PAK1: variants seen among roughly 807,000 people sequenced by gnomAD.
The protein encoded by PAK1 is p21 (RAC1) activated kinase 1.
Under a neutral mutation model 67.4 loss-of-function variants are expected in PAK1, and 29 were observed. That is an observed-to-expected ratio of 0.43 (90% confidence interval 0.32 to 0.59). The LOEUF is 0.59. Ranked by LOEUF, PAK1 falls within the 20% of genes least tolerant of loss-of-function variation. The pLI is 0.07. For synonymous variants in PAK1, 223 were observed against 237.4 expected (o/e 0.94, Z 0.56); for missense variants, 337 against 670.7 (o/e 0.50, Z 5.50).
At chr11:77,460,341 T>A (rs1439673557) in intron 1 of PAK1, among the ~76,000 whole-genome samples, 10 of 129,826 alleles carry the variant, frequency 7.7e-5, no homozygotes, top group East Asian at 2.1e-4. Context: ...TTTTTTTTTT[T>A]AAAGTTAAGT....
chr11:77,457,932 C>T (rs141376696), intron 1 of PAK1, among the ~76,000 whole-genome samples: 3 of 152,304 alleles, frequency 2.0e-5, no homozygotes, highest in African/African-American at 4.8e-5. Context: ...CAAGTCCCTT[C>T]AATTATTATT....
At chr11:77,421,184 G>A (rs758742186) in intron 1 of PAK1, among the ~76,000 whole-genome samples, 2 of 151,876 alleles carry the variant, frequency 1.3e-5, no homozygotes, top group African/African-American at 2.4e-5. Flanking sequence ...CCTTATCTCC[G>A]ACTTTTCCCC....
intron 2 of PAK1, among the ~76,000 whole-genome samples, chr11:77,381,268 C>T (rs1488802690): frequency 6.6e-6 from 1 of 152,022 alleles, no homozygotes; most frequent in African/African-American, 2.4e-5. Context: ...GTCCCTCAAG[C>T]ACCTACATTC....
At chr11:77,510,529 C>T in the PAK1 span, among the ~76,000 whole-genome samples, 1 of 152,166 alleles carries the variant, frequency 6.6e-6, no homozygotes, top group Non-Finnish European at 1.5e-5. Flanking sequence ...GTGTACACCG[C>T]ACCTGGCCAG....
At position 77,407,291 on chromosome 11, in the gene PAK1, C is replaced by T. The variant is rs115490633; in HGVS notation, c.-21-14750G>A. Among the ~76,000 whole-genome samples the T allele has an allele frequency of 2.0e-3, 311 of 152,306 alleles. 3 individuals carry two copies. Among genetic ancestry groups the T allele is most frequent in the African/African-American group, 7.1e-3 (297 of 41,572 alleles). On this transcript the variant is annotated intron_variant, in intron 1 of 14. Coordinates refer to ENST00000356341, the MANE Select transcript of PAK1 (RefSeq NM_002576.5). ...TATCTGTTCGACCTTAAATAAAGCA[C>T]ATACTTCGTGGTTTTTGTTTGACCA...
At chr11:77,447,607 C>T (rs1043816521) in intron 1 of PAK1, among the ~76,000 whole-genome samples, 1 of 152,092 alleles carries the variant, frequency 6.6e-6, no homozygotes, top group Admixed American at 6.5e-5. Flanking sequence ...TCACTGCAAC[C>T]TCCACCTCCC....
At chr11:77,352,302 TGAGACAGTATCTGCTTTTTC>T (rs1227266494) in intron 8 of PAK1, among the ~76,000 whole-genome samples, 1 of 152,184 alleles carries the variant, frequency 6.6e-6, no homozygotes. Context: ...ATAAATCAAA[TGAGACAGTATCTGCTTTTTC>T]ATATCTAGCT....
At chr11:77,472,368 G>T (rs1001419344) in intron 1 of PAK1, among the ~76,000 whole-genome samples, 3 of 152,206 alleles carry the variant, frequency 2.0e-5, no homozygotes, top group Non-Finnish European at 2.9e-5. Context: ...CCAAAATGTT[G>T]TAAGTGCTGT....
intron 1 of PAK1, among the ~76,000 whole-genome samples, chr11:77,424,607 G>A (rs1200075864): frequency 6.6e-6 from 1 of 152,146 alleles, no homozygotes; most frequent in Non-Finnish European, 1.5e-5. Flanking sequence ...TTATTTGTAG[G>A]TGCTTTAAGT....
chr11:77,373,903 A>G (rs1267711088), intron 5 of PAK1, among the ~76,000 whole-genome samples: 39 of 152,192 alleles, frequency 2.6e-4, no homozygotes, highest in Admixed American at 2.6e-3. Context: ...AAGTGTAGGT[A>G]TCTGAAGACA....
chr11:77,386,834 T>G (rs1316638345), intron 2 of PAK1, among the ~76,000 whole-genome samples: 4 of 152,178 alleles, frequency 2.6e-5, no homozygotes. Flanking sequence ...AGTACAGTGG[T>G]GTGATCTCAG....
intron 5 of PAK1, among the ~76,000 whole-genome samples, chr11:77,367,197 T>C (rs938424738): frequency 6.6e-6 from 1 of 152,174 alleles, no homozygotes; most frequent in African/African-American, 2.4e-5. Flanking sequence ...GGAGTTTGAA[T>C]GAATGGTAAA....
chr11:77,376,196 T>C (rs999910864), intron 4 of PAK1, among the ~76,000 whole-genome samples: 3 of 152,126 alleles, frequency 2.0e-5, no homozygotes, highest in African/African-American at 7.2e-5. Context: ...TTATGTCATA[T>C]AAAAATAAGT....
intron 1 of PAK1, among the ~76,000 whole-genome samples, chr11:77,449,340 A>G (rs1009406813): frequency 2.0e-5 from 3 of 152,228 alleles, no homozygotes; most frequent in African/African-American, 4.8e-5. Context: ...TTAAAGAGAA[A>G]AGGGCAATGG....
At chr11:77,489,941 A>C in the PAK1 span, among the ~76,000 whole-genome samples, 3 of 149,030 alleles carry the variant, frequency 2.0e-5, no homozygotes, top group East Asian at 6.0e-4. Flanking sequence ...CCCTCTGCCC[A>C]GCTGCCCACT....
chr11:77,364,316 A>T (rs1947205863), intron 5 of PAK1, among the ~76,000 whole-genome samples: 1 of 152,252 alleles, frequency 6.6e-6, no homozygotes, highest in African/African-American at 2.4e-5. Context: ...CAGAGGAAAG[A>T]AGCCTTACAG....
chr11:77,482,180 G>C, the PAK1 span, among the ~76,000 whole-genome samples: 1 of 151,664 alleles, frequency 6.6e-6, no homozygotes, highest in Admixed American at 6.6e-5. Context: ...ATAGAGATGG[G>C]GTTTCATCAT....
Position 77,322,459 on chromosome 11 carries a change from G to A in PAK1, c.*815C>T, listed in dbSNP as rs1192369522. 2.1e-5 allele frequency: 4 copies of A among 194,956 alleles called. No individual in the cohort carries two copies. Among genetic ancestry groups the A allele is most frequent in the Admixed American group, 6.1e-5 (1 of 16,494 alleles). 12.1% of individuals were successfully genotyped at this position (194,956 alleles called of 1,614,324 possible). A position where few individuals can be genotyped will look rare whatever the true frequency, so the allele number is the denominator to read the frequency against. The stretch of plus-strand genomic sequence containing the variant: ...ACACAAGTAGAGCTGGACAGGTGCT[G>A]ATGCCCAGCCTTGCTCTAAAAGTAG... On this transcript the variant is annotated 3_prime_UTR_variant, in exon 15 of 15. Coordinates refer to ENST00000356341, the MANE Select transcript of PAK1 (RefSeq NM_002576.5).
chr11:77,391,893 G>A (rs1299899022), intron 2 of PAK1, among the ~76,000 whole-genome samples: 3 of 152,042 alleles, frequency 2.0e-5, no homozygotes, highest in Non-Finnish European at 4.4e-5. Context: ...TTACTGATAC[G>A]TAGTCCCCAA....
Sources: gnomAD v4.1 joint callset for allele counts (sites outside exome capture counted in the v4.1 genomes callset) on GRCh38, gnomAD v4.1.1 for gene constraint, MANE v1.5 for transcripts, NCBI Gene and HGNC (gene_info 2026-07-23, HGNC 2026-07-21) for gene names.